The following MTR variants were observed in gnomAD, a reference collection of about 807,000 sequenced individuals.
MTR encodes the protein 5-methyltetrahydrofolate-homocysteine methyltransferase.
MTR carries 84 observed loss-of-function variants against 154.8 expected under a neutral mutation model. The ratio of observed to expected loss-of-function variants is 0.54; its 90% CI spans 0.45 to 0.65. MTR has a LOEUF of 0.65. Ranked by LOEUF, MTR falls within the 30% of genes least tolerant of loss-of-function variation. The pLI is 0.00. For synonymous variants in MTR, 554 were observed against 553.9 expected, an observed-to-expected ratio of 1.00 and a Z score of 0.00; for missense variants, 1,275 against 1,570.2, an observed-to-expected ratio of 0.81 and a Z score of 3.18.
At chr1:236,831,839 T>G in intron 12 of MTR, 127 bp from the exon 13 acceptor site, 1 of 715,564 alleles carries the variant, frequency 1.4e-6, no homozygotes, top group African/African-American at 1.7e-5. Context: ...CCACATTGGA[T>G]CTCCTATCTG....
At position 236,852,153 on chromosome 1, in the gene MTR, C is replaced by T. The variant is rs752298358; in HGVS notation, c.1696-368C>T. ...CAATTTCCTTTTGTCCTTTTATAGT[C>T]GGTCAAGTTCATAGTGAACTAGGGA... On this transcript the variant is annotated intron_variant, in intron 16 of 32. Transcript: ENST00000366577. 3.3e-5 allele frequency among the ~76,000 whole-genome samples: 5 copies of T among 152,094 alleles called. No individual in the cohort carries two copies. In the South Asian group the frequency reaches 6.2e-4, roughly 19 times the overall value.
chr1:236,803,946 C>T (rs1263658375), intron 2 of MTR, among the ~76,000 whole-genome samples: 1 of 152,338 alleles, frequency 6.6e-6, no homozygotes, highest in Admixed American at 6.5e-5. Flanking sequence ...ATTTAAGTTA[C>T]TGCAACAGCC....
Position 236,871,687 on chromosome 1 carries a change from A to G in MTR, c.2406-2086A>G, listed in dbSNP as rs114507731. ...AAAGAAAAAAAAAGCATGTGGTACC[A>G]TCTCACTCCTGCTATAACCTGCAGT... On this transcript the variant is annotated intron_variant, in intron 22 of 32. Transcript: ENST00000366577. 5.7e-3 allele frequency among the ~76,000 whole-genome samples: 862 copies of G among 152,280 alleles called. 8 individuals carry two copies. The highest frequency in any genetic ancestry group is 0.02 in the African/African-American group (838 of 41,542).
Position 236,806,210 on chromosome 1 carries a change from GCTGA to G in MTR, c.319_322del (p.Asp107MetfsTer10). 6.2e-7 allele frequency: 1 copy of G among 1,614,034 alleles called. No homozygotes were observed. Among genetic ancestry groups the G allele is most frequent in the Non-Finnish European group, 8.5e-7 (1 of 1,179,890 alleles). On this transcript the variant is annotated frameshift_variant, in exon 3 of 33. Transcript: ENST00000366577. LOFTEE classifies it high-confidence loss of function. ...TTTTAGCAGCACTAGTATTGCCCAA[GCTGA>G]CTATGGCCTTGAACACTTGGTAAGA... is the stretch of plus-strand genomic sequence containing the variant.
intron 12 of MTR, among the ~76,000 whole-genome samples, chr1:236,830,230 A>G (rs868548094): frequency 3.3e-5 from 5 of 152,162 alleles, no homozygotes; most frequent in South Asian, 2.1e-4. Context: ...AGATTAGGAA[A>G]AGTGGGATTC....
chr1:236,859,957 G>A (rs1206454147), intron 19 of MTR, 35 bp downstream of exon 19: 23 of 1,563,134 alleles, frequency 1.5e-5, no homozygotes, highest in Non-Finnish European at 1.9e-5. Flanking sequence ...AGGGCTGGAG[G>A]CTCATCATGG....
intron 8 of MTR, chr1:236,820,258 G>C: frequency 4.0e-6 from 3 of 754,018 alleles, no homozygotes; most frequent in Non-Finnish European, 7.3e-6. Flanking sequence ...AGATCCTGAA[G>C]AGATTGAAAA....
At chr1:236,834,956 T>C (rs1279505836) in intron 13 of MTR, among the ~76,000 whole-genome samples, 1 of 152,226 alleles carries the variant, frequency 6.6e-6, no homozygotes, top group Non-Finnish European at 1.5e-5. Context: ...TGAAATTTAT[T>C]TAAGTCACAT....
intron 1 of MTR, chr1:236,800,581 A>G: frequency 1.3e-6 from 1 of 755,628 alleles, no homozygotes; most frequent in Non-Finnish European, 1.6e-6. Flanking sequence ...GTTAGAAGAC[A>G]TTTCCCAACC....
At chr1:236,853,201 TG>T in intron 18 of MTR, 113 bp downstream of exon 18, 1 of 1,287,910 alleles carries the variant, frequency 7.8e-7, no homozygotes, top group South Asian at 1.2e-5. Flanking sequence ...ATCATATATT[TG>T]GATCACTGAA....
chr1:236,810,476 C>A, intron 4 of MTR, 27 bp from the exon 5 acceptor site: 1 of 1,589,828 alleles, frequency 6.3e-7, no homozygotes, highest in Non-Finnish European at 8.6e-7. Flanking sequence ...ACTTAGAGAT[C>A]TCACACTTGT....
intron 8 of MTR, among the ~76,000 whole-genome samples, chr1:236,819,363 T>C (rs903580582): frequency 6.6e-6 from 1 of 152,226 alleles, no homozygotes; most frequent in Non-Finnish European, 1.5e-5. Context: ...ATGTAGCCTT[T>C]TCACATTGGC....
At chr1:236,827,073 G>T (rs148757407) in intron 11 of MTR, among the ~76,000 whole-genome samples, 177 bp downstream of exon 11, 206 of 152,264 alleles carry the variant, frequency 1.4e-3, no homozygotes, top group African/African-American at 4.8e-3. Flanking sequence ...TTAAAGAGGC[G>T]ACTAAGGTAA....
At chr1:236,877,592 A>G (rs921324600) in intron 24 of MTR, among the ~76,000 whole-genome samples, 5 of 152,000 alleles carry the variant, frequency 3.3e-5, no homozygotes, top group Non-Finnish European at 5.9e-5. Context: ...TTTTTTTTCA[A>G]TGTAGTATTC....
At chr1:236,836,066 C>A (rs1461326924) in intron 14 of MTR, among the ~76,000 whole-genome samples, 1 of 152,104 alleles carries the variant, frequency 6.6e-6, no homozygotes, top group African/African-American at 2.4e-5. Flanking sequence ...AAGGAGAGAA[C>A]TTTTAGGCTT....
At chr1:236,828,285 A>C (rs1444551054) in intron 11 of MTR, among the ~76,000 whole-genome samples, 18 of 152,184 alleles carry the variant, frequency 1.2e-4, no homozygotes, top group Admixed American at 1.2e-3. Flanking sequence ...CCTAAATGAT[A>C]ATTTTAAAAA....
chr1:236,846,145 G>A (rs1483044038), intron 15 of MTR, among the ~76,000 whole-genome samples: 1 of 152,152 alleles, frequency 6.6e-6, no homozygotes, highest in Non-Finnish European at 1.5e-5. Context: ...ACATTTCTAT[G>A]TTTTTTGTTG....
Position 236,836,861 on chromosome 1 carries a change from C to T in MTR, c.1329+1174C>T, listed in dbSNP as rs115821522. 4.1e-3 allele frequency among the ~76,000 whole-genome samples: 620 copies of T among 152,196 alleles called. 4 individuals carry two copies. The highest frequency in any genetic ancestry group is 0.014 in the African/African-American group (598 of 41,524). On this transcript the variant is annotated intron_variant, in intron 14 of 32. Transcript: ENST00000366577. ...CTTAGTATTGGGAAGAGGGTAGACT[C>T]GCCTTGTAAGGCCCAATCAAGTCAA...
intron 15 of MTR, among the ~76,000 whole-genome samples, chr1:236,847,690 C>T (rs1663662525): frequency 6.6e-6 from 1 of 152,186 alleles, no homozygotes; most frequent in Non-Finnish European, 1.5e-5. Flanking sequence ...GGGGCTTTTA[C>T]AAAACACTTG....
Sources: allele counts gnomAD v4.1 joint callset (sites outside exome capture counted in the v4.1 genomes callset), GRCh38; gene constraint gnomAD v4.1.1; transcripts MANE v1.5; gene names NCBI Gene and HGNC (gene_info 2026-07-23, HGNC 2026-07-21).